SPTA1: variants seen among roughly 807,000 people sequenced by gnomAD.
SPTA1 encodes spectrin alpha chain, erythrocytic 1.
In SPTA1, 177 loss-of-function variants were observed where a neutral mutation model predicts 324.7. The ratio of observed to expected loss-of-function variants is 0.55; its 90% CI spans 0.48 to 0.62. The LOEUF is 0.62. Ranked by LOEUF, SPTA1 falls within the 20% of genes least tolerant of loss-of-function variation. The pLI, the probability that SPTA1 is intolerant of heterozygous loss-of-function variation, is 0.00. For synonymous variants in SPTA1, 1,195 were observed against 1,041.3 expected, an observed-to-expected ratio of 1.15 and a Z score of -2.84; for missense variants, 3,162 against 2,883.6, an observed-to-expected ratio of 1.10 and a Z score of -2.21.
chr1:158,636,097 C>T (rs989325447), intron 37 of SPTA1, 63 bp from the exon 38 acceptor site: 7 of 1,613,746 alleles, frequency 4.3e-6, no homozygotes, highest in Non-Finnish European at 5.9e-6. Context: ...AGCCATAGTC[C>T]CTGAGCAAAG....
In SPTA1 at chr1:158,613,761, G is replaced by T. The variant is rs1291236947; in HGVS notation, c.6949C>A (p.Pro2317Thr). The change falls in exon 50 of 52, where the codon CCC becomes ACC. Residue 2317 changes from proline to threonine, a missense_variant. Pro to Thr is a conservative substitution (Grantham distance 38, BLOSUM62 -1). Coordinates refer to ENST00000643759, the MANE Select transcript of SPTA1 (RefSeq NM_003126.4). Reference sequence around the variant, plus strand: ...GCATCCAGGAACTTCTCAAACTTGGGCTCATGTTCATCCTCCTCCACCATG... The same window carrying T: ...GCATCCAGGAACTTCTCAAACTTGGTCTCATGTTCATCCTCCTCCACCATG... ...LPMVEEDEHE[P>T]KFEKFLDAVD... 1 of 1,613,642 alleles carries T rather than the reference G, an allele frequency of 6.2e-7. No homozygotes were observed. Among genetic ancestry groups the T allele is most frequent in the Non-Finnish European group, 8.5e-7 (1 of 1,179,828 alleles).
chr1:158,667,068 G>A (rs1450125063), intron 15 of SPTA1, among the ~76,000 whole-genome samples: 1 of 152,058 alleles, frequency 6.6e-6, no homozygotes, highest in Admixed American at 6.6e-5. Flanking sequence ...TTCTGCAAAG[G>A]AATTGCTGTG....
At chr1:158,620,503 G>A (rs746053477) in intron 43 of SPTA1, 37 bp from the exon 44 acceptor site, 1 of 1,610,946 alleles carries the variant, frequency 6.2e-7, no homozygotes, top group Non-Finnish European at 8.5e-7. Context: ...CATCTTTCCT[G>A]ATAAAGCCTC....
In SPTA1 at chr1:158,669,550, C is replaced by T. The variant is rs762400241; in HGVS notation, c.1691G>A (p.Arg564Gln). Residue 564 changes from arginine to glutamine, a missense_variant, in exon 14 of 52, where the codon CGG (arginine) becomes CAG (glutamine). Coordinates refer to ENST00000643759, the MANE Select transcript of SPTA1 (RefSeq NM_003126.4). ...KAIRDGLLAR[R>Q]DALREKAATR... ...GGCAGCCTTTTCACGTAGGGCATCC[C>T]GCCGGGCTAACAGCTGCAAAAACCA... 31 of 1,613,956 alleles carry T rather than the reference C, an allele frequency of 1.9e-5. No individual in the cohort carries two copies. Among genetic ancestry groups the T allele is most frequent in the Admixed American group, 5.0e-5 (3 of 59,988 alleles).
intron 39 of SPTA1, among the ~76,000 whole-genome samples, chr1:158,633,660 C>T (rs369222641): frequency 2.1e-5 from 2 of 97,468 alleles, no homozygotes; most frequent in Admixed American, 1.3e-4. Context: ...GACTCTGTCT[C>T]GAAAAAAAAA....
intron 27 of SPTA1, 103 bp downstream of exon 27, chr1:158,647,436 T>C: frequency 7.0e-7 from 1 of 1,432,250 alleles, no homozygotes; most frequent in Middle Eastern, 2.5e-4. Flanking sequence ...GACTTAAACG[T>C]AGTGATGCCC....
intron 39 of SPTA1, among the ~76,000 whole-genome samples, chr1:158,629,060 T>G (rs1358850195): frequency 2.0e-5 from 3 of 152,016 alleles, no homozygotes; most frequent in Non-Finnish European, 4.4e-5. Context: ...GGAACATTTC[T>G]AAACACCTTC....
intron 33 of SPTA1, among the ~76,000 whole-genome samples, chr1:158,641,181 T>C (rs1223247025): frequency 3.3e-5 from 5 of 152,142 alleles, no homozygotes; most frequent in South Asian, 2.1e-4. Flanking sequence ...AAGACTTAAA[T>C]GTTAGACCTA....
At chr1:158,638,800 A>G (rs551205423) in intron 35 of SPTA1, among the ~76,000 whole-genome samples, 1 of 151,566 alleles carries the variant, frequency 6.6e-6, no homozygotes, top group African/African-American at 2.4e-5. Context: ...TCGTTCCCAT[A>G]CAAGACTGTC....
rs1651722091 is a variant in SPTA1, at chr1:158,642,951, T to C, written c.4468A>G (p.Ile1490Val). Residue 1490 changes from isoleucine (I) to valine (V), a missense_variant, in exon 32 of 52, where the codon ATT becomes GTT. Transcript: ENST00000643759. Reference sequence around the variant, plus strand: ...TCTCCAAGCTTTGTCCGCTCATCAATCAGTTGTGCTTTGAGAGCCTTCCAC... The same window carrying C: ...TCTCCAAGCTTTGTCCGCTCATCAACCAGTTGTGCTTTGAGAGCCTTCCAC... ...DRWKALKAQL[I>V]DERTKLGDYA... The C allele has an allele frequency of 6.2e-7, 1 of 1,613,704 alleles. No homozygotes were observed. The highest frequency in any genetic ancestry group is 8.5e-7 in the Non-Finnish European group (1 of 1,179,744).
chr1:158,615,708 C>CT (rs1553222905), intron 47 of SPTA1, among the ~76,000 whole-genome samples: 10 of 151,534 alleles, frequency 6.6e-5, no homozygotes, highest in South Asian at 2.1e-4. Context: ...ATCTATCTAT[C>CT]ATCTATCTAT....
In SPTA1 at chr1:158,677,794, G is replaced by T. The variant is rs150007668; in HGVS notation, c.853C>A (p.Pro285Thr). The T allele has an allele frequency of 5.9e-4, 947 of 1,613,650 alleles. 5 individuals carry two copies. The highest frequency in any genetic ancestry group is 5.5e-3 in the African/African-American group (414 of 74,984). The change falls in exon 7 of 52, where the codon CCT (proline) becomes ACT (threonine). Residue 285 changes from proline (P) to threonine (T), a missense_variant. Pro to Thr is a conservative substitution (Grantham distance 38). Coordinates refer to ENST00000643759, the MANE Select transcript of SPTA1 (RefSeq NM_003126.4). Reference protein sequence around the residue: ...EAIQWIKEKEPVLTSEDYGKD... With the variant: ...EAIQWIKEKETVLTSEDYGKD... ...CCATAGTCCTCAGAGGTGAGTACAGGTTCCTTCTCCTTGATCCACTGGATG... is the reference window on the plus strand; with the variant it reads ...CCATAGTCCTCAGAGGTGAGTACAGTTTCCTTCTCCTTGATCCACTGGATG...
chr1:158,620,979 C>A (rs1223668357), intron 43 of SPTA1, among the ~76,000 whole-genome samples: 4 of 151,934 alleles, frequency 2.6e-5, no homozygotes, highest in African/African-American at 7.3e-5. Flanking sequence ...TTCTCTTTGA[C>A]AAGGCTATGT....
Position 158,615,316 on chromosome 1 carries a change from C to T in SPTA1, c.6688G>A (p.Asp2230Asn). The T allele has an allele frequency of 6.2e-7, 1 of 1,614,092 alleles. No homozygotes were observed. The highest frequency in any genetic ancestry group is 2.2e-5 in the East Asian group (1 of 44,890). Reference sequence around the variant, plus strand: ...AATCCAATGGTGCTGTATTTGATATCAAGGATCAGAGCGTCTTCCAAGTTG... The same window carrying T: ...AATCCAATGGTGCTGTATTTGATATTAAGGATCAGAGCGTCTTCCAAGTTG... Reference protein sequence around the residue: ...GDNLEDALILDIKYSTIGLAQ... With the variant: ...GDNLEDALILNIKYSTIGLAQ... Residue 2230 changes from aspartate to asparagine, a missense_variant, in exon 48 of 52, where the codon GAT becomes AAT. Transcript: ENST00000643759.
Position 158,674,086 on chromosome 1 carries a change from A to G in SPTA1, c.1350+243T>C, listed in dbSNP as rs986552344. 2.0e-4 allele frequency among the ~76,000 whole-genome samples: 30 copies of G among 152,176 alleles called. 1 individual carries two copies. The highest frequency in any genetic ancestry group is 8.8e-5 in the Non-Finnish European group (6 of 68,032). ...GAATGTACATGCATCGTATGCAAAT[A>G]TTATGCCGTTTCTTGAGCATCTGCA... On this transcript the variant is annotated intron_variant, in intron 10 of 51. Transcript: ENST00000643759.
At chr1:158,681,856 C>T (rs755309974) in intron 3 of SPTA1, among the ~76,000 whole-genome samples, 189 bp from the exon 4 acceptor site, 7 of 152,176 alleles carry the variant, frequency 4.6e-5, no homozygotes, top group Non-Finnish European at 8.8e-5. Flanking sequence ...AAGCCAAATG[C>T]GATCTTACAT....
intron 15 of SPTA1, 116 bp downstream of exon 15, chr1:158,667,742 A>G (rs1328922173): frequency 9.1e-7 from 1 of 1,093,976 alleles, no homozygotes; most frequent in Non-Finnish European, 1.3e-6. Flanking sequence ...ACATGGAAGC[A>G]AATGAGTAGT....
At chr1:158,640,767 C>A (rs1159641791) in intron 33 of SPTA1, among the ~76,000 whole-genome samples, 1 of 152,184 alleles carries the variant, frequency 6.6e-6, no homozygotes, top group Non-Finnish European at 1.5e-5. Flanking sequence ...CCATTCCCAT[C>A]AAGCTACCAA....
chr1:158,658,397 C>T (rs1006995145), intron 18 of SPTA1, among the ~76,000 whole-genome samples: 1 of 152,096 alleles, frequency 6.6e-6, no homozygotes, highest in African/African-American at 2.4e-5. Flanking sequence ...TACTCATATG[C>T]ACACATGTAT....
Sources: allele counts gnomAD v4.1 joint callset (sites outside exome capture counted in the v4.1 genomes callset), GRCh38; gene constraint gnomAD v4.1.1; transcripts MANE v1.5; gene names NCBI Gene and HGNC (gene_info 2026-07-23, HGNC 2026-07-21).